The following EIF3E variants were observed in gnomAD, a reference collection of about 807,000 sequenced individuals.
EIF3E encodes eIF-3 p48.
In EIF3E, 25 loss-of-function variants were observed where a neutral mutation model predicts 59.3. The observed-to-expected ratio is 0.42, with a 90% CI of 0.31 to 0.59. The LOEUF is 0.59. Ranked by LOEUF, EIF3E falls within the 20% of genes least tolerant of loss-of-function variation. EIF3E has a pLI of 0.15. For missense variants in EIF3E, 317 were observed against 534.3 expected, an observed-to-expected ratio of 0.59 and a Z score of 4.01; for synonymous variants, 176 against 170.2, an observed-to-expected ratio of 1.03 and a Z score of -0.26.
chr8:108,218,094 A>T (rs1388183244), intron 7 of EIF3E, among the ~76,000 whole-genome samples: 1 of 152,208 alleles, frequency 6.6e-6, no homozygotes, highest in East Asian at 1.9e-4. Context: ...TCTCCTGCTT[A>T]ATTTCCTCAA....
At chr8:108,227,146 G>A (rs1187344519) in intron 7 of EIF3E, 1 of 152,056 alleles carries the variant, frequency 6.6e-6, no homozygotes, top group Non-Finnish European at 1.5e-5. Flanking sequence ...ACAACACGGT[G>A]AAACCCTGTC....
intron 5 of EIF3E, among the ~76,000 whole-genome samples, chr8:108,232,371 A>T (rs1346787237): frequency 6.6e-6 from 1 of 152,222 alleles, no homozygotes; most frequent in East Asian, 1.9e-4. Context: ...GATGTAAAAC[A>T]TATTAACTTA....
intron 3 of EIF3E, among the ~76,000 whole-genome samples, chr8:108,238,423 C>T (rs947079841): frequency 1.3e-5 from 2 of 152,200 alleles, no homozygotes; most frequent in African/African-American, 4.8e-5. Flanking sequence ...AAATTATACA[C>T]ATCCTCCCAT....
At chr8:108,210,985 C>A (rs1423936323) in intron 10 of EIF3E, among the ~76,000 whole-genome samples, 1 of 152,144 alleles carries the variant, frequency 6.6e-6, no homozygotes, top group Non-Finnish European at 1.5e-5. Flanking sequence ...TTTTCTTAAT[C>A]CAGTCTATCA....
chr8:108,240,259 A>C (rs1423318511), intron 2 of EIF3E, among the ~76,000 whole-genome samples, 184 bp from the exon 3 acceptor site: 3 of 152,102 alleles, frequency 2.0e-5, no homozygotes. Context: ...TCTTTTTTCT[A>C]CTAATACAAA....
intron 7 of EIF3E, chr8:108,226,196 T>C (rs971850429): frequency 2.0e-5 from 3 of 149,738 alleles, no homozygotes; most frequent in Non-Finnish European, 4.4e-5. Context: ...TAATTCTTTT[T>C]TTTTTTTTTT....
intron 1 of EIF3E, among the ~76,000 whole-genome samples, chr8:108,248,143 T>C (rs539006893): frequency 3.9e-5 from 6 of 152,190 alleles, no homozygotes; most frequent in Non-Finnish European, 7.4e-5. Flanking sequence ...ATTAAAGCGC[T>C]AGATACTTAT....
At chr8:108,223,008 A>G (rs1050376015) in intron 7 of EIF3E, among the ~76,000 whole-genome samples, 3 of 152,276 alleles carry the variant, frequency 2.0e-5, no homozygotes, top group South Asian at 4.1e-4. Context: ...AAAATTTAAT[A>G]ATCAAAACAT....
At chr8:108,204,113 A>G (rs573065028) in intron 10 of EIF3E, among the ~76,000 whole-genome samples, 37 of 152,126 alleles carry the variant, frequency 2.4e-4, no homozygotes, top group Non-Finnish European at 4.9e-4. Flanking sequence ...TTGGGAATCT[A>G]TGAATTTTGG....
chr8:108,215,124 A>G (rs1815277681), intron 9 of EIF3E, among the ~76,000 whole-genome samples: 1 of 152,220 alleles, frequency 6.6e-6, no homozygotes, highest in African/African-American at 2.4e-5. Context: ...CTACTATTCC[A>G]CAGATGGTGT....
intron 10 of EIF3E, among the ~76,000 whole-genome samples, chr8:108,204,905 A>C (rs1390153488): frequency 6.6e-6 from 1 of 151,932 alleles, no homozygotes; most frequent in Non-Finnish European, 1.5e-5. Flanking sequence ...GTATTTTTCC[A>C]ATTTTATGAT....
At position 108,239,972 on chromosome 8, in the gene EIF3E, T is replaced by C; in HGVS notation, c.309A>G (p.Gln103=). ...GACGAGTTTACCTGGTTGACTGCAT[T>C]TGCCTTGTAGTTTCTGGATCTTCAA... ...KMFEDPETTR[Q]MQSTRDGRML... Residue 103 remains glutamine, a synonymous_variant, in exon 3 of 13, where the codon CAA becomes CAG. Transcript: ENST00000220849. 3 of 1,613,806 alleles carry C rather than the reference T, an allele frequency of 1.9e-6. No individual in the cohort carries two copies. The highest frequency in any genetic ancestry group is 2.2e-5 in the East Asian group (1 of 44,850).
At chr8:108,233,528 C>T (rs556394707) in intron 5 of EIF3E, 59 of 167,442 alleles carry the variant, frequency 3.5e-4, no homozygotes. Context: ...CTTTTTCCAA[C>T]TTCTAGGATT....
At chr8:108,233,710 T>C (rs1471320088) in intron 5 of EIF3E, 1 of 376,980 alleles carries the variant, frequency 2.7e-6, no homozygotes, top group Admixed American at 2.9e-5. Flanking sequence ...CCATGAGTGG[T>C]GATGCACACT....
intron 5 of EIF3E, chr8:108,234,476 AAACCATTG>A (rs1481961271): frequency 6.6e-6 from 1 of 152,334 alleles, no homozygotes; most frequent in African/African-American, 2.4e-5. Context: ...CGTAATGAAG[AAACCATTG>A]ATATTTATAT....
intron 7 of EIF3E, among the ~76,000 whole-genome samples, chr8:108,219,611 C>T (rs1815367176): frequency 6.6e-6 from 1 of 152,202 alleles, no homozygotes; most frequent in Admixed American, 6.5e-5. Context: ...TGCCATGACT[C>T]ATGCCTGTAA....
chr8:108,242,234 A>G (rs1164448525), intron 1 of EIF3E: 4 of 1,299,856 alleles, frequency 3.1e-6, no homozygotes, highest in Non-Finnish European at 4.0e-6. Context: ...GGCTGTGTAT[A>G]AATAAAACCC....
chr8:108,239,309 A>G (rs186868087), intron 3 of EIF3E, among the ~76,000 whole-genome samples: 1 of 152,230 alleles, frequency 6.6e-6, no homozygotes, highest in East Asian at 1.9e-4. Context: ...CAGCCTCCCA[A>G]GTAGCAAGTA....
In EIF3E at chr8:108,214,596, G is replaced by T; in HGVS notation, c.1061+11C>A. On this transcript the variant is annotated intron_variant, in intron 10 of 12. Coordinates refer to ENST00000220849, the MANE Select transcript of EIF3E (RefSeq NM_001568.3). ...AAGTAGAAAATCCAAATCAAATCAC[G>T]GTGTTCTTACTTAATGCTGATACAC... is the stretch of plus-strand genomic sequence containing the variant. 1 of 1,547,024 alleles carries T rather than the reference G, an allele frequency of 6.5e-7. No homozygotes were observed. Among genetic ancestry groups the T allele is most frequent in the Non-Finnish European group, 8.7e-7 (1 of 1,146,432 alleles).
Sources: allele counts gnomAD v4.1 joint callset (sites outside exome capture counted in the v4.1 genomes callset), GRCh38; gene constraint gnomAD v4.1.1; transcripts MANE v1.5; gene names NCBI Gene and HGNC (gene_info 2026-07-23, HGNC 2026-07-21).